OPCML: variants seen among roughly 807,000 people sequenced by gnomAD.
The protein encoded by OPCML is opioid binding protein/cell adhesion molecule like.
In OPCML, 13 loss-of-function variants were observed where a neutral mutation model predicts 37.8. The observed-to-expected ratio is 0.34, with a 90% CI of 0.22 to 0.55. The LOEUF is 0.55. OPCML is among the 20% of genes least tolerant of loss of function. The probability of loss-of-function intolerance (pLI) is 0.91; values close to 1 mark genes in which losing one functional copy is unlikely to be tolerated. For synonymous variants in OPCML, 176 were observed against 168.8 expected (o/e 1.04, Z -0.33); for missense variants, 341 against 435.6 (o/e 0.78, Z 1.93).
At chr11:133,171,500 A>C (rs1046139289) in intron 1 of OPCML, among the ~76,000 whole-genome samples, 4 of 152,112 alleles carry the variant, frequency 2.6e-5, no homozygotes, top group Non-Finnish European at 1.5e-5. Context: ...AGTTCTTAAA[A>C]CCTCATGTTT....
At chr11:133,018,310 G>A (rs1947376987) in intron 1 of OPCML, among the ~76,000 whole-genome samples, 1 of 152,198 alleles carries the variant, frequency 6.6e-6, no homozygotes, top group Non-Finnish European at 1.5e-5. Flanking sequence ...GATAGAAAGT[G>A]CAGTATATAT....
intron 4 of OPCML, among the ~76,000 whole-genome samples, chr11:132,441,334 A>AT (rs563360507): frequency 2.7e-5 from 4 of 149,902 alleles, no homozygotes; most frequent in East Asian, 2.0e-4. Flanking sequence ...CGCCCGGCTA[A>AT]TTTTTTTGTA....
chr11:132,838,663 C>T (rs1447403571), intron 2 of OPCML, among the ~76,000 whole-genome samples: 1 of 152,028 alleles, frequency 6.6e-6, no homozygotes, highest in Admixed American at 6.5e-5. Flanking sequence ...TTCAGAAAAT[C>T]GACTTTTAAA....
rs139105397 is a variant in OPCML, at chr11:132,757,585, C to T, written c.147-100266G>A. On this transcript the variant is annotated intron_variant, in intron 2 of 7. Transcript: ENST00000524381. ...AGCTTTTTTTCATATGTTTTTTAGC[C>T]GCATAAATGTCTTCTTTTGAGAAGT... Among the ~76,000 whole-genome samples the T allele has an allele frequency of 2.7e-3, 406 of 152,110 alleles. 1 individual carries two copies. The highest frequency in any genetic ancestry group is 8.8e-3 in the African/African-American group (366 of 41,550).
At chr11:132,683,781 A>T (rs543781052) in intron 2 of OPCML, among the ~76,000 whole-genome samples, 98 of 152,292 alleles carry the variant, frequency 6.4e-4, no homozygotes, top group Non-Finnish European at 1.1e-3. Flanking sequence ...CCTTGTGTAC[A>T]TACAAAGCAG....
At chr11:132,931,934 T>A (rs1945217241) in intron 2 of OPCML, among the ~76,000 whole-genome samples, 1 of 152,108 alleles carries the variant, frequency 6.6e-6, no homozygotes, top group Non-Finnish European at 1.5e-5. Context: ...GAACACAGCC[T>A]TAAGAAGGAA....
Position 132,769,880 on chromosome 11 carries a change from A to G in OPCML, c.147-112561T>C, listed in dbSNP as rs117928962. 6.1e-3 allele frequency among the ~76,000 whole-genome samples: 923 copies of G among 152,278 alleles called. 35 individuals are homozygous for G. In the East Asian group the frequency reaches 0.12, roughly 19 times the overall value. ...GCATTTACAAGATTCCAGTCCATTG[A>G]GACCTTGCACATGGGAACACAACAG... On this transcript the variant is annotated intron_variant, in intron 2 of 7. Transcript: ENST00000524381.
chr11:133,430,860 A>T (rs765790926), intron 1 of OPCML, among the ~76,000 whole-genome samples: 3 of 152,222 alleles, frequency 2.0e-5, no homozygotes, highest in Non-Finnish European at 4.4e-5. Context: ...AACCTCTAAA[A>T]TTAGTTCTTA....
At chr11:132,538,394 G>A (rs960664529) in intron 3 of OPCML, among the ~76,000 whole-genome samples, 2 of 152,150 alleles carry the variant, frequency 1.3e-5, no homozygotes. Context: ...TGGTTGCCAG[G>A]AGCTAGGGAG....
intron 3 of OPCML, among the ~76,000 whole-genome samples, chr11:132,536,641 T>C (rs1467502898): frequency 6.6e-6 from 1 of 152,198 alleles, no homozygotes; most frequent in African/African-American, 2.4e-5. Flanking sequence ...TTTACAAAAA[T>C]AATACCGAAA....
intron 1 of OPCML, among the ~76,000 whole-genome samples, chr11:133,046,819 A>G (rs1948026256): frequency 6.6e-6 from 1 of 152,168 alleles, no homozygotes; most frequent in East Asian, 1.9e-4. Flanking sequence ...GGAGATGTAA[A>G]TATTCATAAA....
At position 133,147,625 on chromosome 11, in the gene OPCML, G is replaced by A. The variant is rs75655375; in HGVS notation, c.62-204615C>T. On this transcript the variant is annotated intron_variant, in intron 1 of 7. Transcript: ENST00000524381. ...CAGGTAATACACAGAAGGGATGGGT[G>A]GCTCTGCCTGATACTTCACAGGGGC... Among the ~76,000 whole-genome samples, 1,467 of 152,238 alleles carry A rather than the reference G, an allele frequency of 9.6e-3. 24 individuals carry two copies. The highest frequency in any genetic ancestry group is 0.034 in the African/African-American group (1,399 of 41,522).
intron 3 of OPCML, among the ~76,000 whole-genome samples, chr11:132,544,257 C>T (rs1209624296): frequency 6.6e-6 from 1 of 152,066 alleles, no homozygotes; most frequent in Non-Finnish European, 1.5e-5. Context: ...CAGACCATAA[C>T]GTCACCGGAA....
At chr11:133,005,966 T>C (rs1947102298) in intron 1 of OPCML, 1 of 985,388 alleles carries the variant, frequency 1.0e-6, no homozygotes, top group Non-Finnish European at 1.2e-6. Flanking sequence ...CCAGGACAAG[T>C]TCTAAAAGGG....
Position 132,645,835 on chromosome 11 carries a change from T to A in OPCML, c.379+11252A>T, listed in dbSNP as rs1319364581. On this transcript the variant is annotated intron_variant, in intron 3 of 7. Coordinates refer to ENST00000524381, the MANE Select transcript of OPCML (RefSeq NM_001012393.5). ...AACTGAAGTTCTCAACAGTCACTTG[T>A]GGCTAATGGCTACCACGTTGAAGAG... is the stretch of plus-strand genomic sequence containing the variant. Among the ~76,000 whole-genome samples, 7 of 152,244 alleles carry A rather than the reference T, an allele frequency of 4.6e-5. No homozygotes were observed. In the East Asian group the frequency reaches 1.2e-3, roughly 25 times the overall value.
rs765869649 is a variant in OPCML at position 133,476,309 on chromosome 11, TGGGG to T, written c.61+55951_61+55954del. 1.8e-4 allele frequency among the ~76,000 whole-genome samples: 28 copies of T among 152,238 alleles called. No homozygotes were observed. The Middle Eastern group carries it at 0.017, about 92-fold the overall frequency. ...TGTAGACCGACCCAAATGGCCTGAT[TGGGG>T]TGCACAGAGAGAAGTGAGTAAAGAG... On this transcript the variant is annotated intron_variant, in intron 1 of 7. Coordinates refer to ENST00000524381, the MANE Select transcript of OPCML (RefSeq NM_001012393.5).
intron 3 of OPCML, among the ~76,000 whole-genome samples, chr11:132,549,291 T>C (rs760002381): frequency 3.3e-5 from 5 of 152,228 alleles, no homozygotes; most frequent in Non-Finnish European, 7.3e-5. Flanking sequence ...TATGGCAATG[T>C]CAGGAAGTTA....
intron 1 of OPCML, among the ~76,000 whole-genome samples, chr11:133,156,166 T>C (rs962206862): frequency 1.3e-5 from 2 of 152,226 alleles, no homozygotes; most frequent in African/African-American, 4.8e-5. Context: ...TTTCTTAGCA[T>C]GGTAAACAGA....
At chr11:132,609,192 A>T (rs1180846796) in intron 3 of OPCML, among the ~76,000 whole-genome samples, 9 of 152,172 alleles carry the variant, frequency 5.9e-5, no homozygotes, top group Non-Finnish European at 5.9e-5. Flanking sequence ...GGGGGTCTCA[A>T]AAAGAACTGA....
Sources: allele counts gnomAD v4.1 joint callset (sites outside exome capture counted in the v4.1 genomes callset), GRCh38; gene constraint gnomAD v4.1.1; transcripts MANE v1.5; gene names NCBI Gene and HGNC (gene_info 2026-07-23, HGNC 2026-07-21).